The following DNAH9 variants were observed in gnomAD, a reference collection of about 807,000 sequenced individuals.
DNAH9 encodes DNAH9 variant protein.
DNAH9 carries 345 observed loss-of-function variants against 471.6 expected under a neutral mutation model. The observed-to-expected ratio is 0.73, with a 90% CI of 0.67 to 0.80. The LOEUF (loss-of-function observed/expected upper bound fraction) is 0.80, where lower values mean the gene tolerates loss of function less well. Among genes scored for constraint, DNAH9 ranks in the 30% least tolerant of loss-of-function variants. The pLI is 0.00. For missense variants in DNAH9, 5,407 were observed against 5,609.2 expected (o/e 0.96, Z 1.15); for synonymous variants, 2,093 against 2,123.6 (o/e 0.99, Z 0.40).
intron 50 of DNAH9, among the ~76,000 whole-genome samples, chr17:11,864,444 A>G (rs1471286304): frequency 1.3e-5 from 2 of 150,418 alleles, no homozygotes; most frequent in Non-Finnish European, 3.0e-5. Flanking sequence ...ACTTCCAACT[A>G]TGTGGTCAAT....
At chr17:11,732,296 A>G (rs918252134) in intron 28 of DNAH9, among the ~76,000 whole-genome samples, 2 of 152,230 alleles carry the variant, frequency 1.3e-5, no homozygotes, top group Non-Finnish European at 2.9e-5. Flanking sequence ...TATACCCATC[A>G]GAGACATTTC....
intron 61 of DNAH9, among the ~76,000 whole-genome samples, chr17:11,917,900 T>C (rs1332008867): frequency 6.6e-6 from 1 of 152,172 alleles, no homozygotes; most frequent in African/African-American, 2.4e-5. Context: ...CTGGTCTTTC[T>C]TTCACTTGTC....
Position 11,881,318 on chromosome 17 carries a change from A to G in DNAH9, c.10711A>G (p.Thr3571Ala). 2 of 1,614,114 alleles carry G rather than the reference A, an allele frequency of 1.2e-6. No individual in the cohort carries two copies. Among genetic ancestry groups the G allele is most frequent in the South Asian group, 1.1e-5 (1 of 91,072 alleles). ...CCAGCCTGAGCTGCAGGCTCAGGCC[A>G]CCCTGATCAACTTCACCGTGACCAG... is the stretch of plus-strand genomic sequence containing the variant. ...HYQPELQAQA[T>A]LINFTVTRDG... is the part of the protein sequence containing the mutation. Residue 3571 changes from threonine to alanine, a missense_variant, in exon 55 of 69, where the codon ACC (threonine) becomes GCC (alanine). Coordinates refer to ENST00000262442, the MANE Select transcript of DNAH9 (RefSeq NM_001372.4).
intron 27 of DNAH9, among the ~76,000 whole-genome samples, chr17:11,719,783 T>A (rs944986412): frequency 1.1e-4 from 16 of 152,204 alleles, no homozygotes; most frequent in Admixed American, 1.3e-4. Flanking sequence ...ATCTTTCTTT[T>A]ATTACCTGCA....
At chr17:11,878,545 T>TTTTTTTTG (rs1972596960) in intron 53 of DNAH9, among the ~76,000 whole-genome samples, 1 of 151,942 alleles carries the variant, frequency 6.6e-6, no homozygotes, top group African/African-American at 2.4e-5. Context: ...TTTTTAGTTT[T>TTTTTTTTG]TTTGTTTGTT....
intron 22 of DNAH9, among the ~76,000 whole-genome samples, chr17:11,698,181 AT>A (rs1166826726): frequency 3.5e-4 from 2 of 5,710 alleles, no homozygotes; most frequent in African/African-American, 7.3e-4. Context: ...TTAATATATT[AT>A]TATATTAATA....
At chr17:11,786,118 A>G (rs754309276) in intron 41 of DNAH9, among the ~76,000 whole-genome samples, 8 of 152,158 alleles carry the variant, frequency 5.3e-5, no homozygotes, top group Non-Finnish European at 1.0e-4. Flanking sequence ...GTTTGATCAA[A>G]TCTACACTGC....
At chr17:11,819,206 G>A (rs1394017251) in intron 45 of DNAH9, among the ~76,000 whole-genome samples, 1 of 151,970 alleles carries the variant, frequency 6.6e-6, no homozygotes, top group Non-Finnish European at 1.5e-5. Context: ...GAAACAATTT[G>A]GACAATTGTT....
chr17:11,752,160 C>A (rs757132174), intron 32 of DNAH9, among the ~76,000 whole-genome samples: 89 of 152,200 alleles, frequency 5.8e-4, no homozygotes, highest in African/African-American at 2.1e-3. Flanking sequence ...CAATTCTGCC[C>A]AAATTAATAT....
At chr17:11,899,425 T>G (rs1567885872) in intron 59 of DNAH9, among the ~76,000 whole-genome samples, 1 of 152,232 alleles carries the variant, frequency 6.6e-6, no homozygotes, top group Non-Finnish European at 1.5e-5. Context: ...AAAAGGCCCC[T>G]TACTACCAGT....
At chr17:11,957,604 A>G (rs1429283894) in intron 67 of DNAH9, among the ~76,000 whole-genome samples, 1 of 132,804 alleles carries the variant, frequency 7.5e-6, no homozygotes, top group Non-Finnish European at 1.7e-5. Flanking sequence ...CAGAAATACC[A>G]GTGGATGCAG....
intron 32 of DNAH9, among the ~76,000 whole-genome samples, chr17:11,748,451 A>G (rs868166733): frequency 1.2e-4 from 19 of 152,274 alleles, no homozygotes; most frequent in Middle Eastern, 3.4e-3. Context: ...TTGGGTAGGG[A>G]AGCCCACGGC....
rs755300164 is a variant in DNAH9 at position 11,905,818 on chromosome 17, G to A, written c.11749+9G>A. 1.9e-6 allele frequency: 3 copies of A among 1,596,632 alleles called. No homozygotes were observed. Among genetic ancestry groups the A allele is most frequent in the South Asian group, 1.1e-5 (1 of 88,902 alleles). On this transcript the variant is annotated intron_variant, in intron 61 of 68. Coordinates refer to ENST00000262442, the MANE Select transcript of DNAH9 (RefSeq NM_001372.4). ...GGATGTAGAAAGTCAAGGTGAGAAA[G>A]GCGTCCTCTTGGAGCCAGGGCTGCA...
intron 3 of DNAH9, 89 bp from the exon 4 acceptor site, chr17:11,611,561 C>T (rs910779872): frequency 5.9e-6 from 8 of 1,360,468 alleles, no homozygotes; most frequent in African/African-American, 1.4e-5. Context: ...AGGCAGGGCT[C>T]CTCTCTTTCT....
rs769502187 is a variant in DNAH9, at chr17:11,966,653, ATC to A, written c.13234-2645_13234-2644del. 5.9e-5 allele frequency among the ~76,000 whole-genome samples: 9 copies of A among 152,372 alleles called. No homozygotes were observed. The South Asian group carries it at 1.2e-3, about 21-fold the overall frequency. On this transcript the variant is annotated intron_variant, in intron 68 of 68. Transcript: ENST00000262442. ...CAACTGCATAAGGAAATAATTATAA[ATC>A]TGTGTTGATGGATAGAAATGTATAA...
At chr17:11,725,855 A>G (rs1269638314) in intron 27 of DNAH9, among the ~76,000 whole-genome samples, 2 of 151,988 alleles carry the variant, frequency 1.3e-5, no homozygotes, top group African/African-American at 4.8e-5. Context: ...TGACAGAGCA[A>G]GACTCCATCT....
At position 11,793,649 on chromosome 17, in the gene DNAH9, CA is replaced by C. The variant is rs773329124; in HGVS notation, c.8210del (p.Lys2737ArgfsTer41). 3 of 1,609,308 alleles carry C rather than the reference CA, an allele frequency of 1.9e-6. No homozygotes were observed. Among genetic ancestry groups the C allele is most frequent in the Non-Finnish European group, 2.5e-6 (3 of 1,178,512 alleles). On this transcript the variant is annotated frameshift_variant, in exon 42 of 69. Coordinates refer to ENST00000262442, the MANE Select transcript of DNAH9 (RefSeq NM_001372.4). LOFTEE classifies it high-confidence loss of function. ...LFDKIQTEVL[K>X]KTFDDIEDPV... Reference sequence around the variant, plus strand: ...TTGATAAAATCCAGACAGAAGTGCTCAAGAAAACTTTTGATGTGAGTATTGC... The same window carrying C: ...TTGATAAAATCCAGACAGAAGTGCTCAGAAAACTTTTGATGTGAGTATTGC...
intron 38 of DNAH9, among the ~76,000 whole-genome samples, chr17:11,778,241 G>T (rs571970901): frequency 2.9e-5 from 4 of 138,846 alleles, no homozygotes; most frequent in Non-Finnish European, 6.1e-5. Flanking sequence ...CAGGAGAATT[G>T]CTTGAACCCA....
In DNAH9 at chr17:11,636,554, A is replaced by T. The variant is rs58946206; in HGVS notation, c.1636-80A>T. On this transcript the variant is annotated intron_variant, in intron 8 of 68. Transcript: ENST00000262442. ...TACATTGGTAGGCATATAAAGGAAA[A>T]CCAGAACACTGGATTTGTATAACCA... 7 of 1,190,188 alleles carry T rather than the reference A, an allele frequency of 5.9e-6. No individual in the cohort carries two copies. In the African/African-American group the frequency reaches 9.1e-5, roughly 15 times the overall value. 73.7% of individuals were successfully genotyped at this position (1,190,188 alleles called of 1,614,324 possible).
Sources: allele counts gnomAD v4.1 joint callset (sites outside exome capture counted in the v4.1 genomes callset), GRCh38; gene constraint gnomAD v4.1.1; transcripts MANE v1.5; gene names NCBI Gene and HGNC (gene_info 2026-07-23, HGNC 2026-07-21).